MYO7A: variants seen among roughly 807,000 people sequenced by gnomAD.
MYO7A encodes the protein myosin VIIA.
A neutral mutation model predicts 263.8 loss-of-function variants in MYO7A; 210 were observed. The observed-to-expected ratio is 0.80, with a 90% CI of 0.71 to 0.89. The LOEUF is 0.89. MYO7A is among the 40% of genes least tolerant of loss of function. MYO7A has a pLI of 0.00. For missense variants in MYO7A, 2,820 were observed against 2,968.3 expected (o/e 0.95, Z 1.16); for synonymous variants, 1,239 against 1,197.3 (o/e 1.03, Z -0.72).
At chr11:77,159,419 C>CCA in intron 9 of MYO7A, 28 bp from the exon 10 acceptor site, 6 of 1,545,364 alleles carry the variant, frequency 3.9e-6, no homozygotes, top group Non-Finnish European at 5.3e-6. Context: ...CCTCCCTCCC[C>CCA]TGATGCTGTG....
chr11:77,189,452 C>T lies in MYO7A; in HGVS notation c.3612C>T (p.Pro1204=). The T allele has an allele frequency of 6.2e-7, 1 of 1,613,864 alleles. No homozygotes were observed. The highest frequency in any genetic ancestry group is 8.5e-7 in the Non-Finnish European group (1 of 1,179,864). ...CTCTCTGCGTGGGCTGTTTCGCCCC[C>T]TCCGAGAAGTTTGTCAAGGTAGGAA... ...LVSLCVGCFA[P]SEKFVKYLRN... is the part of the protein sequence containing the mutation. The change falls in exon 28 of 49, where the codon CCC becomes CCT. Residue 1204 remains proline (P), a synonymous_variant. Coordinates refer to ENST00000409709, the MANE Select transcript of MYO7A (RefSeq NM_000260.4).
At chr11:77,196,682 T>A (rs7932992) in intron 32 of MYO7A, among the ~76,000 whole-genome samples, 1 of 151,796 alleles carries the variant, frequency 6.6e-6, no homozygotes. Flanking sequence ...GACATTGAGC[T>A]CTTTGCCTCT....
At position 77,182,161 on chromosome 11, in the gene MYO7A, C is replaced by T; in HGVS notation, c.3108+7C>T. On this transcript the variant is annotated splice_region_variant and intron_variant, in intron 24 of 48. Coordinates refer to ENST00000409709, the MANE Select transcript of MYO7A (RefSeq NM_000260.4). ...CGACGAGGGTGACCAGCTGGTAAGG[C>T]CTGCCTGTCACTAGGTCACTGCTGG... is the stretch of plus-strand genomic sequence containing the variant. The T allele has an allele frequency of 6.2e-7, 1 of 1,613,048 alleles. No homozygotes were observed. Among genetic ancestry groups the T allele is most frequent in the Non-Finnish European group, 8.5e-7 (1 of 1,179,800 alleles).
rs750697586 is a variant in MYO7A at position 77,197,493 on chromosome 11, C to A, written c.4336C>A (p.Gln1446Lys). The A allele has an allele frequency of 1.2e-6, 2 of 1,600,032 alleles. No individual in the cohort carries two copies. The highest frequency in any genetic ancestry group is 1.7e-6 in the Non-Finnish European group (2 of 1,172,924). Residue 1446 changes from glutamine (Q) to lysine (K), a missense_variant, in exon 33 of 49, where the codon CAG becomes AAG. By Grantham distance (53) the Gln-to-Lys change is moderately conservative (BLOSUM62 1). Coordinates refer to ENST00000409709, the MANE Select transcript of MYO7A (RefSeq NM_000260.4). Reference sequence around the variant, plus strand: ...TCTCTCCTTCCAGGGGATTTATGCCCAGAGGAGAACTGATGCCCAGAAGGT... The same window carrying A: ...TCTCTCCTTCCAGGGGATTTATGCCAAGAGGAGAACTGATGCCCAGAAGGT... ...IAAHKKGIYA[Q>K]RRTDAQKVKE...
chr11:77,183,276 C>A, intron 26 of MYO7A, 119 bp downstream of exon 26: 1 of 857,480 alleles, frequency 1.2e-6, no homozygotes, highest in Non-Finnish European at 1.9e-6. Context: ...ACTGTCTGTC[C>A]TCAGGGGTCT....
At chr11:77,180,218 C>T (rs769620406) in intron 21 of MYO7A, among the ~76,000 whole-genome samples, 156 bp from the exon 22 acceptor site, 1 of 152,122 alleles carries the variant, frequency 6.6e-6, no homozygotes, top group African/African-American at 2.4e-5. Flanking sequence ...GCCTCCAGCC[C>T]GCTGGGTGAC....
At chr11:77,172,604 C>A in intron 15 of MYO7A, 144 bp from the exon 16 acceptor site, 1 of 1,057,434 alleles carries the variant, frequency 9.5e-7, no homozygotes. Context: ...TGGGGAGAGG[C>A]AGTTTGCAGG....
At chr11:77,132,678 G>A (rs918428642) in intron 2 of MYO7A, among the ~76,000 whole-genome samples, 5 of 152,010 alleles carry the variant, frequency 3.3e-5, no homozygotes, top group Admixed American at 6.5e-5. Context: ...TAATAAAGAC[G>A]GGGTTTCACC....
In MYO7A at chr11:77,161,036, C is replaced by G; in HGVS notation, c.1264C>G (p.Pro422Ala). The change falls in exon 12 of 49, where the codon CCC becomes GCC. Residue 422 changes from proline (P) to alanine (A), a missense_variant. Transcript: ENST00000409709. ...DKINAAIYKP[P>A]SQDVKNSRRS... is the part of the protein sequence containing the mutation. ...GATCAACGCAGCAATTTACAAGCCT[C>G]CCTCCCAGGATGTGAAGAACTCTCG... is the stretch of plus-strand genomic sequence containing the variant. 2 of 1,613,786 alleles carry G rather than the reference C, an allele frequency of 1.2e-6. No individual in the cohort carries two copies. The highest frequency in any genetic ancestry group is 1.7e-6 in the Non-Finnish European group (2 of 1,179,840).
intron 11 of MYO7A, 70 bp downstream of exon 11, chr11:77,160,352 C>T (rs2135280606): frequency 1.3e-6 from 2 of 1,513,680 alleles, no homozygotes; most frequent in Non-Finnish European, 1.8e-6. Context: ...TGGGCAGGTG[C>T]CAAGGAGTCC....
intron 42 of MYO7A, among the ~76,000 whole-genome samples, chr11:77,208,096 G>A (rs2135755410): frequency 6.6e-6 from 1 of 152,336 alleles, no homozygotes; most frequent in South Asian, 2.1e-4. Context: ...AGACCCAGGG[G>A]AGCCCAGAGC....
chr11:77,162,736 A>T, intron 13 of MYO7A, 117 bp from the exon 14 acceptor site: 1 of 1,380,446 alleles, frequency 7.2e-7, no homozygotes, highest in Non-Finnish European at 9.8e-7. Context: ...TATGTGAGGT[A>T]GAAATAAAAG....
chr11:77,144,074 AGTGATG>A lies in MYO7A; in HGVS notation c.132+1256_132+1261del, dbSNP rs147645758. 7.6e-4 allele frequency among the ~76,000 whole-genome samples: 115 copies of A among 152,296 alleles called. 1 individual carries two copies. The highest frequency in any genetic ancestry group is 2.7e-3 in the African/African-American group (114 of 41,560). On this transcript the variant is annotated intron_variant, in intron 3 of 48. Transcript: ENST00000409709. Reference sequence around the variant, plus strand: ...CACACAGCCAGTCACACAGCTAGTAAGTGATGGTGCTGGGATTAGAACCCAGGACCT... The same window carrying A: ...CACACAGCCAGTCACACAGCTAGTAAGTGCTGGGATTAGAACCCAGGACCT...
chr11:77,163,096 G>T, intron 14 of MYO7A, 108 bp downstream of exon 14: 1 of 1,255,984 alleles, frequency 8.0e-7, no homozygotes, highest in Non-Finnish European at 1.1e-6. Context: ...TAAAAATTGT[G>T]ATTATTCATA....
chr11:77,131,150 G>T (rs552570929), intron 2 of MYO7A, among the ~76,000 whole-genome samples: 1 of 152,302 alleles, frequency 6.6e-6, no homozygotes, highest in African/African-American at 2.4e-5. Context: ...TTCCTACTGA[G>T]GGCCACAGTG....
chr11:77,133,261 C>T (rs74423122), intron 2 of MYO7A, among the ~76,000 whole-genome samples: 1,898 of 152,206 alleles, frequency 0.012, 17 homozygotes, highest in Middle Eastern at 0.034. Flanking sequence ...TGACTAGTGG[C>T]GCACCTGTGT....
intron 15 of MYO7A, among the ~76,000 whole-genome samples, chr11:77,167,030 AGGCCTCAGC>A (rs1767479912): frequency 6.6e-6 from 1 of 152,174 alleles, no homozygotes; most frequent in Admixed American, 6.5e-5. Flanking sequence ...ATGGCGGGAG[AGGCCTCAGC>A]GGCCTGGGTG....
chr11:77,184,753 T>G (rs1408084358), intron 27 of MYO7A, 38 bp downstream of exon 27: 1 of 1,584,350 alleles, frequency 6.3e-7, no homozygotes, highest in African/African-American at 1.3e-5. Context: ...GGCCTGAAAG[T>G]CTTTTGGTGG....
chr11:77,175,057 G>T, intron 17 of MYO7A, 143 bp downstream of exon 17: 1 of 1,037,792 alleles, frequency 9.6e-7, no homozygotes. Flanking sequence ...TGGGGTTCAG[G>T]TATTGGAATG....
Sources: gnomAD v4.1 joint callset for allele counts (sites outside exome capture counted in the v4.1 genomes callset) on GRCh38, gnomAD v4.1.1 for gene constraint, MANE v1.5 for transcripts, NCBI Gene and HGNC (gene_info 2026-07-23, HGNC 2026-07-21) for gene names.